The following ALK variants were observed in gnomAD, a reference collection of about 807,000 sequenced individuals.
ALK encodes the protein ALK tyrosine kinase receptor.
A neutral mutation model predicts 163.1 loss-of-function variants in ALK; 74 were observed. That is an observed-to-expected ratio of 0.45 (90% CI 0.38 to 0.55). The LOEUF (loss-of-function observed/expected upper bound fraction) is 0.55. Ranked by LOEUF, ALK falls within the 20% of genes least tolerant of loss-of-function variation. The pLI is 0.00. For missense variants in ALK, 2,063 were observed against 2,105.3 expected, an observed-to-expected ratio of 0.98 and a Z score of 0.39; for synonymous variants, 960 against 843.2, an observed-to-expected ratio of 1.14 and a Z score of -2.40.
chr2:29,220,534 C>T (rs1326627958), intron 23 of ALK, among the ~76,000 whole-genome samples, 172 bp downstream of exon 23: 2 of 152,184 alleles, frequency 1.3e-5, no homozygotes, highest in African/African-American at 4.8e-5. Flanking sequence ...TCATCTACCT[C>T]TATCTTCTGT....
intron 1 of ALK, among the ~76,000 whole-genome samples, chr2:29,918,761 C>T (rs115337277): frequency 0.017 from 2,544 of 152,206 alleles, 73 homozygotes; most frequent in African/African-American, 0.059. Context: ...ACAATGGGCC[C>T]TTTTCAATGG....
chr2:29,855,730 G>A (rs1666122089), intron 1 of ALK, among the ~76,000 whole-genome samples: 1 of 152,196 alleles, frequency 6.6e-6, no homozygotes, highest in Admixed American at 6.5e-5. Flanking sequence ...GACAGACGGA[G>A]ACCTTGCCCA....
intron 4 of ALK, among the ~76,000 whole-genome samples, chr2:29,521,071 C>T (rs1672799121): frequency 6.6e-6 from 1 of 152,140 alleles, no homozygotes; most frequent in Non-Finnish European, 1.5e-5. Flanking sequence ...CTTCACACTC[C>T]TTTTGGTGAA....
At chr2:29,722,933 A>G (rs1679461844) in intron 1 of ALK, among the ~76,000 whole-genome samples, 1 of 152,066 alleles carries the variant, frequency 6.6e-6, no homozygotes, top group African/African-American at 2.4e-5. Context: ...TCTTCCTTTT[A>G]TTCACACCCC....
At chr2:29,356,804 G>T (rs562552542) in intron 5 of ALK, among the ~76,000 whole-genome samples, 3 of 152,226 alleles carry the variant, frequency 2.0e-5, no homozygotes, top group Non-Finnish European at 4.4e-5. Context: ...GCAGCTGCAG[G>T]GTGCTGTTTA....
intron 9 of ALK, among the ~76,000 whole-genome samples, chr2:29,290,719 T>C (rs1288769359): frequency 2.0e-5 from 3 of 152,228 alleles, no homozygotes; most frequent in African/African-American, 7.2e-5. Context: ...TTGGTTAGAC[T>C]TGGTACATGA....
chr2:29,577,278 G>A (rs67976344), intron 3 of ALK, among the ~76,000 whole-genome samples: 16,829 of 152,116 alleles, frequency 0.11, 1,226 homozygotes, highest in Non-Finnish European at 0.17. Context: ...TTACCCTTCT[G>A]AGCCTCAGTT....
intron 4 of ALK, among the ~76,000 whole-genome samples, chr2:29,526,744 C>A (rs1238641778): frequency 6.6e-6 from 1 of 152,216 alleles, no homozygotes; most frequent in African/African-American, 2.4e-5. Flanking sequence ...GCCACAGGCT[C>A]TGATTTCCTC....
At chr2:29,276,695 A>G (rs1665556525) in intron 9 of ALK, among the ~76,000 whole-genome samples, 1 of 152,200 alleles carries the variant, frequency 6.6e-6, no homozygotes, top group African/African-American at 2.4e-5. Flanking sequence ...ATGGACCTCA[A>G]AGACGTGATG....
chr2:29,250,101 C>T (rs1037956675), intron 12 of ALK, among the ~76,000 whole-genome samples: 2 of 152,172 alleles, frequency 1.3e-5, no homozygotes, highest in South Asian at 2.1e-4. Flanking sequence ...GGAGAGGAGG[C>T]GAGCTCATTT....
intron 1 of ALK, among the ~76,000 whole-genome samples, chr2:29,853,414 G>A (rs1666055490): frequency 6.6e-6 from 1 of 152,088 alleles, no homozygotes; most frequent in African/African-American, 2.4e-5. Context: ...TCTCTCACCT[G>A]GACAGACTGG....
intron 6 of ALK, among the ~76,000 whole-genome samples, chr2:29,322,493 G>A (rs2148252591): frequency 6.6e-6 from 1 of 152,320 alleles, no homozygotes. Context: ...GAAACCAACT[G>A]GTGGAAGTGA....
rs1347076087 is a variant in ALK, at chr2:29,231,427, A to G, written c.2632+877T>C. 3.3e-5 allele frequency among the ~76,000 whole-genome samples: 5 copies of G among 152,214 alleles called. 2 individuals are homozygous for G. Among genetic ancestry groups the G allele is most frequent in the Non-Finnish European group, 7.3e-5 (5 of 68,040 alleles). On this transcript the variant is annotated intron_variant, in intron 15 of 28. Coordinates refer to ENST00000389048, the MANE Select transcript of ALK (RefSeq NM_004304.5). The stretch of plus-strand genomic sequence containing the variant: ...AAAGTCATCATGCCTTGGTGAGCCC[A>G]TTGGCTCTCCTGTAAAACAGGAATG...
At chr2:29,875,421 T>G (rs1002058681) in intron 1 of ALK, among the ~76,000 whole-genome samples, 13 of 152,214 alleles carry the variant, frequency 8.5e-5, no homozygotes, top group Admixed American at 6.5e-4. Context: ...CCATTACTAT[T>G]TTTTTACATT....
At chr2:29,769,178 T>C (rs13424204) in intron 1 of ALK, among the ~76,000 whole-genome samples, 29,470 of 152,080 alleles carry the variant, frequency 0.19, 3,118 homozygotes, top group East Asian at 0.36. Context: ...ATTTCCCACA[T>C]TGAGCTGGTA....
At chr2:29,687,419 T>C (rs558027782) in intron 3 of ALK, among the ~76,000 whole-genome samples, 1 of 152,222 alleles carries the variant, frequency 6.6e-6, no homozygotes, top group South Asian at 2.1e-4. Context: ...AGCCAGGATT[T>C]TTGGCTAGGC....
At chr2:29,383,383 C>T (rs1668952088) in intron 5 of ALK, among the ~76,000 whole-genome samples, 1 of 151,868 alleles carries the variant, frequency 6.6e-6, no homozygotes, top group Non-Finnish European at 1.5e-5. Flanking sequence ...ACGGCACAAT[C>T]TTGGCTCGCT....
intron 8 of ALK, among the ~76,000 whole-genome samples, chr2:29,304,813 T>G (rs1666460647): frequency 6.6e-6 from 1 of 152,208 alleles, no homozygotes; most frequent in African/African-American, 2.4e-5. Context: ...ACCCCTTCCC[T>G]GCCTGCCTCA....
rs1031109915 is a variant in ALK, at chr2:29,860,980, G to A, written c.667+59013C>T. Among the ~76,000 whole-genome samples the A allele has an allele frequency of 2.0e-5, 3 of 152,138 alleles. No individual in the cohort carries two copies. The East Asian group carries it at 5.8e-4, about 29-fold the overall frequency. ...GAGCCCAGGAGTTCGAGACCAACCT[G>A]GGCAACATAGTAAGACCCTATCTCT... On this transcript the variant is annotated intron_variant, in intron 1 of 28. Coordinates refer to ENST00000389048, the MANE Select transcript of ALK (RefSeq NM_004304.5).
Sources: gnomAD v4.1 joint callset for allele counts (sites outside exome capture counted in the v4.1 genomes callset) on GRCh38, gnomAD v4.1.1 for gene constraint, MANE v1.5 for transcripts, NCBI Gene and HGNC (gene_info 2026-07-23, HGNC 2026-07-21) for gene names.